TAF10: variants seen among roughly 807,000 people sequenced by gnomAD.
The protein encoded by TAF10 is transcription initiation factor TFIID subunit 10.
Under a neutral mutation model 18.1 loss-of-function variants are expected in TAF10, and 2 were observed. The observed-to-expected ratio is 0.11, with a 90% CI of 0.05 to 0.35. The LOEUF (loss-of-function observed/expected upper bound fraction) is 0.35. TAF10 is among the 10% of genes least tolerant of loss of function. TAF10 has a pLI of 1.00. For synonymous variants in TAF10, 158 were observed against 134.6 expected (o/e 1.17, Z -1.20); for missense variants, 293 against 306.9 (o/e 0.95, Z 0.34).
rs1855128617 is a variant in TAF10 at position 6,608,202 on chromosome 11, T to C, written c.*2720A>G. The C allele has an allele frequency of 1.2e-6, 2 of 1,614,206 alleles. No homozygotes were observed. Among genetic ancestry groups the C allele is most frequent in the African/African-American group, 2.7e-5 (2 of 75,042 alleles). On this transcript the variant is annotated 3_prime_UTR_variant, in exon 5 of 5. Transcript: ENST00000299424. This position sits in a 1 kb window ranked among gnomAD's most constrained non-coding sequence, Gnocchi z 4.9. The stretch of plus-strand genomic sequence containing the variant: ...CAGCCAGTCATGGACACCGTGATAT[T>C]GTACAGAAGGTACGTACAAACTCCT...
Position 6,608,696 on chromosome 11 carries a change from C to A in TAF10, c.*2226G>T. 6.2e-7 allele frequency: 1 copy of A among 1,613,594 alleles called. No individual in the cohort carries two copies. Among genetic ancestry groups the A allele is most frequent in the South Asian group, 1.1e-5 (1 of 91,076 alleles). On this transcript the variant is annotated 3_prime_UTR_variant, in exon 5 of 5. Transcript: ENST00000299424. This position sits in a 1 kb window ranked among gnomAD's most constrained non-coding sequence, Gnocchi z 4.9. ...TCATAATGGCCTTTTCATTCCAGGA[C>A]CTGGTGGCAAATGGGGCCCTTGTCA...
Position 6,612,194 on chromosome 11 carries a change from C to T in TAF10, c.-5G>A, listed in dbSNP as rs992254824. On this transcript the variant is annotated 5_prime_UTR_variant, in exon 1 of 5. Transcript: ENST00000299424. ...GCCGGAGCCGCTGCAGCTCATCGGG[C>T]CGGTGGGAGAGGCGGCGAACAGAGC... 19 of 1,237,530 alleles carry T rather than the reference C, an allele frequency of 1.5e-5. No homozygotes were observed. Among genetic ancestry groups the T allele is most frequent in the African/African-American group, 1.1e-4 (7 of 63,004 alleles). 76.7% of individuals were successfully genotyped at this position (1,237,530 alleles called of 1,614,324 possible).
chr11:6,610,826 G>A lies in TAF10; in HGVS notation c.*96C>T, dbSNP rs1262322708. On this transcript the variant is annotated 3_prime_UTR_variant, in exon 5 of 5. Coordinates refer to ENST00000299424, the MANE Select transcript of TAF10 (RefSeq NM_006284.4). The stretch of plus-strand genomic sequence containing the variant: ...CTTGCCACATGGTGTCTCCCAACAT[G>A]GGAGGGATCAGCCCCGCCTGTCACA... The A allele has an allele frequency of 6.8e-7, 1 of 1,463,856 alleles. No individual in the cohort carries two copies. Among genetic ancestry groups the A allele is most frequent in the African/African-American group, 1.4e-5 (1 of 71,852 alleles). The allele number at this position is 1,463,856 out of a possible 1,614,324, so 90.7% of individuals were successfully genotyped here.
At position 6,607,700 on chromosome 11, in the gene TAF10, G is replaced by A. The variant is rs1176309650; in HGVS notation, c.*3222C>T. ...CAGTGCAACAAGTGCTGAAGTAGGGGGACATATAAGATGTGGTGGAAAACA... is the reference window on the plus strand; with the variant it reads ...CAGTGCAACAAGTGCTGAAGTAGGGAGACATATAAGATGTGGTGGAAAACA... On this transcript the variant is annotated 3_prime_UTR_variant, in exon 5 of 5. Transcript: ENST00000299424. 8.5e-6 allele frequency: 3 copies of A among 352,124 alleles called. No homozygotes were observed. The highest frequency in any genetic ancestry group is 6.3e-5 in the African/African-American group (3 of 47,306). The allele number at this position is 352,124 out of a possible 1,614,324, so 21.8% of individuals were successfully genotyped here.
At position 6,610,802 on chromosome 11, in the gene TAF10, T is replaced by A. The variant is rs1199061187; in HGVS notation, c.*120A>T. 2.2e-6 allele frequency: 3 copies of A among 1,377,030 alleles called. No homozygotes were observed. Among genetic ancestry groups the A allele is most frequent in the Non-Finnish European group, 3.1e-6 (3 of 977,186 alleles). 85.3% of individuals were successfully genotyped at this position (1,377,030 alleles called of 1,614,324 possible). ...AGGGGCGGGCTCAGAGCTTTGTCACTTGCCACATGGTGTCTCCCAACATGG... is the reference window on the plus strand; with the variant it reads ...AGGGGCGGGCTCAGAGCTTTGTCACATGCCACATGGTGTCTCCCAACATGG... On this transcript the variant is annotated 3_prime_UTR_variant, in exon 5 of 5. Transcript: ENST00000299424.
Position 6,609,455 on chromosome 11 carries a change from A to G in TAF10, c.*1467T>C. The G allele has an allele frequency of 6.2e-7, 1 of 1,614,038 alleles. No homozygotes were observed. The highest frequency in any genetic ancestry group is 8.5e-7 in the Non-Finnish European group (1 of 1,179,954). ...AAGCTGCTAGTTCCAAGGAACCCTG[A>G]ATAGCACTGAAAGAGATCTTTTGTA... On this transcript the variant is annotated 3_prime_UTR_variant, in exon 5 of 5. Transcript: ENST00000299424.
Position 6,609,469 on chromosome 11 carries a change from A to G in TAF10, c.*1453T>C. 1 of 1,614,116 alleles carries G rather than the reference A, an allele frequency of 6.2e-7. No homozygotes were observed. Among genetic ancestry groups the G allele is most frequent in the Non-Finnish European group, 8.5e-7 (1 of 1,180,024 alleles). On this transcript the variant is annotated 3_prime_UTR_variant, in exon 5 of 5. Coordinates refer to ENST00000299424, the MANE Select transcript of TAF10 (RefSeq NM_006284.4). Reference sequence around the variant, plus strand: ...AAGGAACCCTGAATAGCACTGAAAGAGATCTTTTGTACTGGGTCTCAACCA... The same window carrying G: ...AAGGAACCCTGAATAGCACTGAAAGGGATCTTTTGTACTGGGTCTCAACCA...
At position 6,608,506 on chromosome 11, in the gene TAF10, T is replaced by G; in HGVS notation, c.*2416A>C. On this transcript the variant is annotated 3_prime_UTR_variant, in exon 5 of 5. Coordinates refer to ENST00000299424, the MANE Select transcript of TAF10 (RefSeq NM_006284.4). This position sits in a 1 kb window ranked among gnomAD's most constrained non-coding sequence, Gnocchi z 4.9. ...GTGGCAGAGGTGAGTACTCAGCCCTTAATTCCTGAGATGGGTAGGAAGTAA... is the reference window on the plus strand; with the variant it reads ...GTGGCAGAGGTGAGTACTCAGCCCTGAATTCCTGAGATGGGTAGGAAGTAA... The G allele has an allele frequency of 6.3e-7, 1 of 1,598,334 alleles. No homozygotes were observed. Among genetic ancestry groups the G allele is most frequent in the South Asian group, 1.1e-5 (1 of 90,764 alleles).
chr11:6,611,786 C>G lies in TAF10; in HGVS notation c.265G>C (p.Glu89Gln), dbSNP rs770646845. The G allele has an allele frequency of 6.2e-7, 1 of 1,603,118 alleles. No homozygotes were observed. Among genetic ancestry groups the G allele is most frequent in the East Asian group, 2.2e-5 (1 of 44,634 alleles). Residue 89 changes from glutamate to glutamine, a missense_variant, in exon 2 of 5, where the codon GAG becomes CAG. Coordinates refer to ENST00000299424, the MANE Select transcript of TAF10 (RefSeq NM_006284.4). The stretch of plus-strand genomic sequence containing the variant: ...TAAACCCCGTTAGATATGGCCCCCT[C>G]CGGGGGCGCCGCGCCACCCGCCGAC... Reference protein sequence around the residue: ...PVSAGGAAPPEGAISNGVYVL... With the variant: ...PVSAGGAAPPQGAISNGVYVL...
In TAF10 at chr11:6,607,111, C is replaced by T. The variant is rs1854992720; in HGVS notation, c.*3811G>A. 6.6e-6 allele frequency: 1 copy of T among 152,456 alleles called. No individual in the cohort carries two copies. The highest frequency in any genetic ancestry group is 2.1e-4 in the South Asian group (1 of 4,830). The allele number at this position is 152,456 out of a possible 1,614,324, so 9.4% of individuals were successfully genotyped here. A position where few individuals can be genotyped will look rare whatever the true frequency, so the allele number is the denominator to read the frequency against. On this transcript the variant is annotated 3_prime_UTR_variant, in exon 5 of 5. Coordinates refer to ENST00000299424, the MANE Select transcript of TAF10 (RefSeq NM_006284.4). ...TCGCACACAGGAAGTGACCACAACA[C>T]TAAGGCATCCGGAGGCTGCTGGCCC... is the stretch of plus-strand genomic sequence containing the variant.
In TAF10 at chr11:6,608,149, C is replaced by T. The variant is rs776161614; in HGVS notation, c.*2773G>A. ...GGGGGCACGGATCAATGTAATGAAC[C>T]GTGGGGATGACACCCCCCTGCATCT... is the stretch of plus-strand genomic sequence containing the variant. On this transcript the variant is annotated 3_prime_UTR_variant, in exon 5 of 5. Transcript: ENST00000299424. This position sits in a 1 kb window ranked among gnomAD's most constrained non-coding sequence, Gnocchi z 4.9. 4.3e-6 allele frequency: 7 copies of T among 1,613,996 alleles called. No individual in the cohort carries two copies. Among genetic ancestry groups the T allele is most frequent in the South Asian group, 2.2e-5 (2 of 91,080 alleles).
Position 6,610,126 on chromosome 11 carries a change from C to A in TAF10, c.*796G>T. 6.2e-7 allele frequency: 1 copy of A among 1,614,202 alleles called. No individual in the cohort carries two copies. The highest frequency in any genetic ancestry group is 8.5e-7 in the Non-Finnish European group (1 of 1,180,020). On this transcript the variant is annotated 3_prime_UTR_variant, in exon 5 of 5. Coordinates refer to ENST00000299424, the MANE Select transcript of TAF10 (RefSeq NM_006284.4). ...GACAGGACAGGCAAGGGGGCCAGAACAGACAAGCCCTATCTCTCCAGCTCT... is the reference window on the plus strand; with the variant it reads ...GACAGGACAGGCAAGGGGGCCAGAAAAGACAAGCCCTATCTCTCCAGCTCT...
rs187764047 is a variant in TAF10 at position 6,607,817 on chromosome 11, G to C, written c.*3105C>G. On this transcript the variant is annotated 3_prime_UTR_variant, in exon 5 of 5. Coordinates refer to ENST00000299424, the MANE Select transcript of TAF10 (RefSeq NM_006284.4). ...GAAATGAGATGTGGGATATGGTGAAGATAACACATTTTTTTATAGAGGTTG... is the reference window on the plus strand; with the variant it reads ...GAAATGAGATGTGGGATATGGTGAACATAACACATTTTTTTATAGAGGTTG... 2 of 570,372 alleles carry C rather than the reference G, an allele frequency of 3.5e-6. No individual in the cohort carries two copies. Among genetic ancestry groups the C allele is most frequent in the Non-Finnish European group, 6.3e-6 (2 of 318,344 alleles). 35.3% of individuals were successfully genotyped at this position (570,372 alleles called of 1,614,324 possible).
chr11:6,611,782 C>T lies in TAF10; in HGVS notation c.269G>A (p.Gly90Glu), dbSNP rs777312900. Residue 90 changes from glycine to glutamate, a missense_variant, in exon 2 of 5, where the codon GGG (glycine) becomes GAG (glutamate). Coordinates refer to ENST00000299424, the MANE Select transcript of TAF10 (RefSeq NM_006284.4). ...TACGTAAACCCCGTTAGATATGGCC[C>T]CCTCCGGGGGCGCCGCGCCACCCGC... is the stretch of plus-strand genomic sequence containing the variant. ...VSAGGAAPPEGAISNGVYVLP... is the reference protein window; with the variant it reads ...VSAGGAAPPEEAISNGVYVLP... 1 of 1,605,618 alleles carries T rather than the reference C, an allele frequency of 6.2e-7. No individual in the cohort carries two copies. The highest frequency in any genetic ancestry group is 2.2e-5 in the East Asian group (1 of 44,708).
At position 6,608,022 on chromosome 11, in the gene TAF10, A is replaced by C; in HGVS notation, c.*2900T>G. On this transcript the variant is annotated 3_prime_UTR_variant, in exon 5 of 5. Transcript: ENST00000299424. This position sits in a 1 kb window ranked among gnomAD's most constrained non-coding sequence, Gnocchi z 4.9. ...TTTGCCCCATCCCACCTCCAGCTCA[A>C]TGACCATTGCCCCTTCCTCAAAGGG... The C allele has an allele frequency of 1.2e-6, 2 of 1,613,348 alleles. No homozygotes were observed. Among genetic ancestry groups the C allele is most frequent in the Non-Finnish European group, 1.7e-6 (2 of 1,179,840 alleles).
At chr11:6,611,579 G>A in intron 2 of TAF10, 85 bp downstream of exon 2, 3 of 1,587,688 alleles carry the variant, frequency 1.9e-6, no homozygotes, top group Non-Finnish European at 2.6e-6. Context: ...GACTAGGGGA[G>A]CAAATGGAAG....
In TAF10 at chr11:6,608,258, G is replaced by C. The variant is rs1198150371; in HGVS notation, c.*2664C>G. On this transcript the variant is annotated 3_prime_UTR_variant, in exon 5 of 5. Transcript: ENST00000299424. The surrounding 1 kb of genome is among the most constrained non-coding windows in gnomAD (Gnocchi z 4.9). ...ATCCACATCACATACATGCCATGAG[G>C]GTCAGTCACAGGCACTGTAACATAC... The C allele has an allele frequency of 6.2e-7, 1 of 1,606,480 alleles. No homozygotes were observed. Among genetic ancestry groups the C allele is most frequent in the Non-Finnish European group, 8.5e-7 (1 of 1,173,012 alleles).
rs1564852521 is a variant in TAF10, at chr11:6,611,944, G to A, written c.232+14C>T. ...CAAGACGCTTCCCTCGCCCTCACCC[G>A]TCCCGGCCCTCACCCGCCCCACGCC... On this transcript the variant is annotated intron_variant, in intron 1 of 4. Coordinates refer to ENST00000299424, the MANE Select transcript of TAF10 (RefSeq NM_006284.4). 1 of 1,574,042 alleles carries A rather than the reference G, an allele frequency of 6.4e-7. No individual in the cohort carries two copies.
Position 6,611,425 on chromosome 11 carries a change from G to A in TAF10, c.415C>T (p.Leu139=), listed in dbSNP as rs1249839401. ...TIPDAVTGYY[L]NRAGFEASDP... ...GAGGCCTCAAAGCCAGCACGGTTCA[G>A]GTAGTAACCAGTCACTGCATCTGGG... Residue 139 remains leucine (L), a synonymous_variant, in exon 3 of 5, where the codon CTG becomes TTG. Transcript: ENST00000299424. 3.7e-6 allele frequency: 6 copies of A among 1,614,066 alleles called. No homozygotes were observed. The highest frequency in any genetic ancestry group is 5.1e-6 in the Non-Finnish European group (6 of 1,180,044).
Sources: allele counts gnomAD v4.1 joint callset, GRCh38; gene constraint gnomAD v4.1.1; non-coding constraint Gnocchi (gnomAD v3.1); transcripts MANE v1.5; gene names NCBI Gene and HGNC (gene_info 2026-07-23, HGNC 2026-07-21).